ZNF365: variants seen among roughly 807,000 people sequenced by gnomAD.
The protein encoded by ZNF365 is protein ZNF365.
A neutral mutation model predicts 35.0 loss-of-function variants in ZNF365; 22 were observed. That is an observed-to-expected ratio of 0.63 (90% confidence interval 0.45 to 0.90). The LOEUF (loss-of-function observed/expected upper bound fraction) is 0.90, where lower values mean the gene tolerates loss of function less well. Ranked by LOEUF, ZNF365 falls within the 40% of genes least tolerant of loss-of-function variation. The probability of loss-of-function intolerance (pLI) is 0.00; values close to 1 mark genes in which losing one functional copy is unlikely to be tolerated. For synonymous variants in ZNF365, 188 were observed against 196.2 expected, an observed-to-expected ratio of 0.96 and a Z score of 0.35; for missense variants, 448 against 500.3, an observed-to-expected ratio of 0.90 and a Z score of 1.00.
At chr10:62,455,521 G>A (rs764112231) in intron 3 of ZNF365, among the ~76,000 whole-genome samples, 44 of 151,824 alleles carry the variant, frequency 2.9e-4, no homozygotes, top group Non-Finnish European at 4.6e-4. Flanking sequence ...CCCATGAACT[G>A]GAGCTGAGAT....
chr10:62,427,436 C>A (rs1310177179), intron 3 of ZNF365, among the ~76,000 whole-genome samples: 1 of 152,172 alleles, frequency 6.6e-6, no homozygotes, highest in Non-Finnish European at 1.5e-5. Context: ...GCTATGCCAG[C>A]TAGGTGTGTG....
At chr10:62,409,939 C>T (rs1839960920) in intron 3 of ZNF365, among the ~76,000 whole-genome samples, 1 of 152,076 alleles carries the variant, frequency 6.6e-6, no homozygotes, top group South Asian at 2.1e-4. Flanking sequence ...GCTATCAGGG[C>T]CAATTTCCTC....
intron 3 of ZNF365, among the ~76,000 whole-genome samples, chr10:62,394,258 G>A (rs1839684053): frequency 1.3e-5 from 2 of 152,144 alleles, no homozygotes; most frequent in Admixed American, 1.3e-4. Flanking sequence ...TTCACATTTT[G>A]GAGCTTTCGG....
At position 62,402,088 on chromosome 10, in the gene ZNF365, G is replaced by A. The variant is rs1464034844; in HGVS notation, c.*2299G>A. The stretch of plus-strand genomic sequence containing the variant: ...GAGCTAAGTACCATGTCCTGTTTGT[G>A]TCTTATTTTTAAATATTTTCTTTGT... On this transcript the variant is annotated 3_prime_UTR_variant, in exon 5 of 5. Coordinates refer to ENST00000395254, the MANE Select transcript of ZNF365 (RefSeq NM_014951.3). 2 of 985,738 alleles carry A rather than the reference G, an allele frequency of 2.0e-6. No individual in the cohort carries two copies. The highest frequency in any genetic ancestry group is 2.4e-6 in the Non-Finnish European group (2 of 829,922). The allele number at this position is 985,738 out of a possible 1,614,324, so 61.1% of individuals were successfully genotyped here.
chr10:62,453,001 A>G (rs905694786), intron 3 of ZNF365, among the ~76,000 whole-genome samples: 2 of 152,206 alleles, frequency 1.3e-5, no homozygotes, highest in Non-Finnish European at 2.9e-5. Context: ...CATTTTTTTA[A>G]ATAATAAAAA....
intron 4 of ZNF365, among the ~76,000 whole-genome samples, chr10:62,462,179 C>T (rs1840858357): frequency 6.6e-6 from 1 of 152,170 alleles, no homozygotes; most frequent in Non-Finnish European, 1.5e-5. Context: ...ATGTTTCAGC[C>T]ACTACCTCCC....
intron 3 of ZNF365, among the ~76,000 whole-genome samples, chr10:62,447,191 T>A (rs1589458585): frequency 6.6e-6 from 1 of 152,138 alleles, no homozygotes; most frequent in East Asian, 1.9e-4. Context: ...AATACATACA[T>A]TAATACATAA....
intron 3 of ZNF365, among the ~76,000 whole-genome samples, chr10:62,434,573 G>A (rs925986706): frequency 6.6e-6 from 1 of 152,090 alleles, no homozygotes; most frequent in Non-Finnish European, 1.5e-5. Context: ...GACTAGCAGG[G>A]AAAGCACTGA....
intron 3 of ZNF365, among the ~76,000 whole-genome samples, chr10:62,458,428 G>A (rs968726352): frequency 6.6e-6 from 1 of 150,880 alleles, no homozygotes; most frequent in Non-Finnish European, 1.5e-5. Flanking sequence ...ATTTTGAAAA[G>A]GAGTGTAGAT....
At chr10:62,418,855 G>A (rs1840121383) in intron 3 of ZNF365, among the ~76,000 whole-genome samples, 1 of 151,584 alleles carries the variant, frequency 6.6e-6, no homozygotes, top group Non-Finnish European at 1.5e-5. Context: ...CATCTGCTGA[G>A]TCTCAATTGC....
intron 3 of ZNF365, among the ~76,000 whole-genome samples, chr10:62,436,863 T>C (rs1414870139): frequency 6.6e-6 from 1 of 152,138 alleles, no homozygotes; most frequent in Non-Finnish European, 1.5e-5. Flanking sequence ...ATAAGTTGGT[T>C]AGGAGGGTTA....
Position 62,479,946 on chromosome 10 carries a change from G to A in ZNF365, c.*50G>A, listed in dbSNP as rs369090521. Reference sequence around the variant, plus strand: ...GATGAGGACTTGGATCAAGAGAATCGCAAATTAATTGTGCCAGAGAAGCTT... The same window carrying A: ...GATGAGGACTTGGATCAAGAGAATCACAAATTAATTGTGCCAGAGAAGCTT... On this transcript the variant is annotated 3_prime_UTR_variant, in exon 5 of 5. Coordinates refer to the ZNF365 transcript ENST00000395255. 125 of 1,609,458 alleles carry A rather than the reference G, an allele frequency of 7.8e-5. No individual in the cohort carries two copies. In the African/African-American group the frequency reaches 1.5e-3, roughly 19 times the overall value.
exon 5 of ZNF365, chr10:62,480,081 T>C (rs1365901469): frequency 1.7e-5 from 22 of 1,332,626 alleles, no homozygotes; most frequent in East Asian, 2.7e-5. Context: ...AGACTCCTGA[T>C]GGATGAGCTC....
At chr10:62,405,069 G>A (rs1426031607), downstream of ZNF365, among the ~76,000 whole-genome samples, 2 of 152,114 alleles carry the variant, frequency 1.3e-5, no homozygotes, top group Non-Finnish European at 2.9e-5. Flanking sequence ...TTCTTGGAAC[G>A]GAAGCATCTC....
chr10:62,375,906 C>A, intron 1 of ZNF365: 1 of 345,692 alleles, frequency 2.9e-6, no homozygotes. Flanking sequence ...AATATTTTAG[C>A]TTTTAGGAGC....
chr10:62,465,833 G>A (rs1840933895), intron 4 of ZNF365, among the ~76,000 whole-genome samples: 1 of 152,194 alleles, frequency 6.6e-6, no homozygotes, highest in East Asian at 1.9e-4. Flanking sequence ...CTGAGCTGCA[G>A]GCAGTGACAC....
At chr10:62,438,274 C>T (rs995554974) in intron 3 of ZNF365, among the ~76,000 whole-genome samples, 64 of 151,926 alleles carry the variant, frequency 4.2e-4, no homozygotes, top group Middle Eastern at 3.4e-3. Flanking sequence ...CTGCAACCTC[C>T]GCCTCCCAGG....
At chr10:62,450,108 A>G (rs1840655008) in intron 3 of ZNF365, among the ~76,000 whole-genome samples, 1 of 152,118 alleles carries the variant, frequency 6.6e-6, no homozygotes, top group Non-Finnish European at 1.5e-5. Context: ...CCCCAACTCC[A>G]TTAAAAAAAA....
intron 4 of ZNF365, among the ~76,000 whole-genome samples, chr10:62,462,011 C>T (rs1299300760): frequency 6.6e-6 from 1 of 152,054 alleles, no homozygotes; most frequent in African/African-American, 2.4e-5. Flanking sequence ...TAGACATTTG[C>T]AAATAGTCTT....
Sources: allele counts gnomAD v4.1 joint callset (sites outside exome capture counted in the v4.1 genomes callset), GRCh38; gene constraint gnomAD v4.1.1; transcripts MANE v1.5; gene names NCBI Gene and HGNC (gene_info 2026-07-23, HGNC 2026-07-21).